Variants in KIF5B observed in about 807,000 individuals in gnomAD.
KIF5B encodes the protein kinesin-1 heavy chain.
In KIF5B, 49 loss-of-function variants were observed where a neutral mutation model predicts 132.8. The observed-to-expected ratio is 0.37, with a 90% CI of 0.29 to 0.47. The LOEUF is 0.47. KIF5B is among the 20% of genes least tolerant of loss of function. The pLI is 1.00. For synonymous variants in KIF5B, 355 were observed against 369.4 expected (o/e 0.96, Z 0.45); for missense variants, 780 against 1,144.0 (o/e 0.68, Z 4.59).
intron 2 of KIF5B, among the ~76,000 whole-genome samples, chr10:32,043,089 C>T (rs1035951119): frequency 1.3e-5 from 2 of 152,026 alleles, no homozygotes; most frequent in African/African-American, 2.4e-5. Context: ...CTGCAACCTC[C>T]GCCTCCCAGG....
Position 32,035,539 on chromosome 10 carries a change from T to A in KIF5B, c.945A>T (p.Thr315=). The change falls in exon 10 of 26, where the codon ACA becomes ACT. Residue 315 remains threonine, a synonymous_variant. Transcript: ENST00000302418. ...SSYNESETKS[T]LLFGQRAKTI... is the part of the protein sequence containing the mutation. ...CAACAAACCTTTGGCCAAATAAGAG[T>A]GTAGATTTTGTTTCAGACTCATTGT... The A allele has an allele frequency of 6.2e-7, 1 of 1,612,294 alleles. No homozygotes were observed. Among genetic ancestry groups the A allele is most frequent in the Non-Finnish European group, 8.5e-7 (1 of 1,179,344 alleles).
At chr10:32,055,817 G>T (rs1025988110) in intron 1 of KIF5B, 31 bp downstream of exon 1, 10 of 1,607,948 alleles carry the variant, frequency 6.2e-6, no homozygotes, top group Non-Finnish European at 7.6e-6. Context: ...CCGAAGAAGC[G>T]GGAGGAGGGA....
rs760906686 is a variant in KIF5B, at chr10:32,015,572, C to T, written c.2849G>A (p.Ser950Asn). 1 of 1,613,576 alleles carries T rather than the reference C, an allele frequency of 6.2e-7. No individual in the cohort carries two copies. Among genetic ancestry groups the T allele is most frequent in the East Asian group, 2.2e-5 (1 of 44,824 alleles). Residue 950 changes from serine (S) to asparagine (N), a missense_variant, in exon 25 of 26, where the codon AGC (serine) becomes AAC (asparagine). Coordinates refer to ENST00000302418, the MANE Select transcript of KIF5B (RefSeq NM_004521.3). ...IRGGGAFVQNSQPVAVRGGGG... is the reference protein window; with the variant it reads ...IRGGGAFVQNNQPVAVRGGGG... ...TCCACCTCGCACTGCCACTGGCTGG[C>T]TGTTCTGAACAAATGCACCTCCTCC...
chr10:32,040,640 CA>C (rs1841522187), intron 2 of KIF5B, among the ~76,000 whole-genome samples, 183 bp from the exon 3 acceptor site: 1 of 148,982 alleles, frequency 6.7e-6, no homozygotes, highest in Admixed American at 6.7e-5. Context: ...CACACACACA[CA>C]CACACACACA....
At chr10:32,048,621 C>T (rs1217660217) in intron 1 of KIF5B, 70 bp from the exon 2 acceptor site, 2 of 1,053,296 alleles carry the variant, frequency 1.9e-6, no homozygotes, top group Non-Finnish European at 1.4e-6. Flanking sequence ...TTTACAGATG[C>T]CATCATATAA....
chr10:32,054,217 A>T (rs544984323), intron 1 of KIF5B, among the ~76,000 whole-genome samples: 22 of 152,356 alleles, frequency 1.4e-4, no homozygotes, highest in African/African-American at 4.6e-4. Flanking sequence ...AGAAACTAAT[A>T]GCCTCAAGTT....
chr10:32,028,125 G>A (rs1314145899), intron 15 of KIF5B, among the ~76,000 whole-genome samples: 2 of 152,052 alleles, frequency 1.3e-5, no homozygotes, highest in African/African-American at 4.8e-5. Flanking sequence ...CACCATGCCA[G>A]GCTCATTTTT....
At chr10:32,038,870 T>C in intron 4 of KIF5B, 44 bp from the exon 5 acceptor site, 1 of 1,243,012 alleles carries the variant, frequency 8.0e-7, no homozygotes, top group Non-Finnish European at 1.2e-6. Context: ...TAAAGTTATA[T>C]AACTTATTCG....
At chr10:32,023,490 T>TA (rs1841292327) in intron 15 of KIF5B, among the ~76,000 whole-genome samples, 1 of 152,228 alleles carries the variant, frequency 6.6e-6, no homozygotes, top group South Asian at 2.1e-4. Flanking sequence ...GGTCACTGTA[T>TA]ATTCCTTCAC....
Position 32,028,902 on chromosome 10 carries a change from CTATAT to C in KIF5B, c.1582-336_1582-332del, listed in dbSNP as rs1381531378. On this transcript the variant is annotated intron_variant, in intron 14 of 25. Coordinates refer to ENST00000302418, the MANE Select transcript of KIF5B (RefSeq NM_004521.3). ...AACTAGATTTGATTATCACTTATTA[CTATAT>C]TATGTCTTATCTTTAGAAAGTGAGT... is the stretch of plus-strand genomic sequence containing the variant. Among the ~76,000 whole-genome samples the C allele has an allele frequency of 2.6e-5, 4 of 152,234 alleles. No individual in the cohort carries two copies. In the East Asian group the frequency reaches 5.8e-4, roughly 22 times the overall value.
At chr10:32,040,162 C>A (rs1300008577) in intron 3 of KIF5B, among the ~76,000 whole-genome samples, 2 of 152,196 alleles carry the variant, frequency 1.3e-5, no homozygotes, top group African/African-American at 2.4e-5. Context: ...GTTATGCTAA[C>A]TGATAAAACA....
chr10:32,030,564 T>C (rs1841389984), intron 14 of KIF5B, among the ~76,000 whole-genome samples: 1 of 151,694 alleles, frequency 6.6e-6, no homozygotes, highest in South Asian at 2.1e-4. Flanking sequence ...TACACTGTGC[T>C]AAAAAGGCAC....
chr10:32,053,020 T>G (rs915461659), intron 1 of KIF5B, among the ~76,000 whole-genome samples: 1 of 152,248 alleles, frequency 6.6e-6, no homozygotes, highest in Admixed American at 6.5e-5. Flanking sequence ...GCTTCTAACA[T>G]CATAAACTAC....
intron 17 of KIF5B, among the ~76,000 whole-genome samples, 153 bp from the exon 18 acceptor site, chr10:32,021,440 A>G (rs142520450): frequency 2.4e-4 from 36 of 152,048 alleles, no homozygotes; most frequent in African/African-American, 8.2e-4. Context: ...GTTCAATGAC[A>G]TGTAGACTAG....
chr10:32,037,579 G>A lies in KIF5B; in HGVS notation c.527C>T (p.Pro176Leu), dbSNP rs1291585531. 1.2e-6 allele frequency: 2 copies of A among 1,612,630 alleles called. No homozygotes were observed. Among genetic ancestry groups the A allele is most frequent in the Non-Finnish European group, 1.7e-6 (2 of 1,178,872 alleles). ...ATCTATGGTATCCATAACTTCATCT[G>A]GACTACATACAAAACGCTCTGTGCA... ...KGCTERFVCS[P>L]DEVMDTIDEG... is the part of the protein sequence containing the mutation. The change falls in exon 7 of 26, where the codon CCA becomes CTA. Residue 176 changes from proline to leucine, a missense_variant. Around this residue, in one of 9 missense-constraint regions of KIF5B, gnomAD observed 76 missense variants for 146.4 expected, o/e 0.52. Coordinates refer to ENST00000302418, the MANE Select transcript of KIF5B (RefSeq NM_004521.3).
chr10:32,034,076 C>T (rs761872467), intron 11 of KIF5B, 38 bp from the exon 12 acceptor site: 5 of 1,276,020 alleles, frequency 3.9e-6, no homozygotes, highest in East Asian at 2.5e-5. Context: ...AAAAAAACGA[C>T]GTCTAAAGCT....
intron 25 of KIF5B, among the ~76,000 whole-genome samples, chr10:32,014,889 G>A (rs1046252820): frequency 2.0e-4 from 31 of 152,294 alleles, no homozygotes; most frequent in East Asian, 1.2e-3. Context: ...TTGGGAGGCC[G>A]AGGCGGGCAG....
chr10:32,021,590 GACAC>G (rs3029348), intron 17 of KIF5B, among the ~76,000 whole-genome samples: 1 of 148,392 alleles, frequency 6.7e-6, no homozygotes, highest in Non-Finnish European at 1.5e-5. Context: ...CCTATGTTAA[GACAC>G]ACACACACAC....
chr10:32,036,663 T>C (rs1841463281), intron 8 of KIF5B, among the ~76,000 whole-genome samples: 1 of 152,216 alleles, frequency 6.6e-6, no homozygotes, highest in Admixed American at 6.5e-5. Context: ...TTTCTCAGAT[T>C]AGATAATCTT....
Sources: gnomAD v4.1 joint callset for allele counts (sites outside exome capture counted in the v4.1 genomes callset) on GRCh38, gnomAD v4.1.1 for gene constraint, gnomAD v4.1.1 regional missense constraint, MANE v1.5 for transcripts, NCBI Gene and HGNC (gene_info 2026-07-23, HGNC 2026-07-21) for gene names.